DGKB: variants seen among roughly 807,000 people sequenced by gnomAD.
DGKB encodes the protein 90 kDa diacylglycerol kinase.
DGKB carries 67 observed loss-of-function variants against 114.3 expected under a neutral mutation model. That is an observed-to-expected ratio of 0.59 (90% CI 0.48 to 0.72). The LOEUF (loss-of-function observed/expected upper bound fraction) is 0.72, where lower values mean the gene tolerates loss of function less well. Among genes scored for constraint, DGKB ranks in the 30% least tolerant of loss-of-function variants. The pLI is 0.00. For synonymous variants in DGKB, 398 were observed against 323.1 expected, an observed-to-expected ratio of 1.23 and a Z score of -2.49; for missense variants, 907 against 975.2, an observed-to-expected ratio of 0.93 and a Z score of 0.93.
At chr7:14,303,502 T>C (rs1585026558) in intron 23 of DGKB, among the ~76,000 whole-genome samples, 1 of 152,126 alleles carries the variant, frequency 6.6e-6, no homozygotes. Context: ...ATAACTTACC[T>C]GCCATATTTA....
chr7:14,342,714 A>C (rs1344683217), intron 22 of DGKB, among the ~76,000 whole-genome samples: 1 of 151,894 alleles, frequency 6.6e-6, no homozygotes, highest in Non-Finnish European at 1.5e-5. Flanking sequence ...ATAAAGACTA[A>C]ATCAAATAAT....
chr7:14,494,594 T>G (rs1335839796), intron 20 of DGKB, among the ~76,000 whole-genome samples: 1 of 151,938 alleles, frequency 6.6e-6, no homozygotes, highest in African/African-American at 2.4e-5. Flanking sequence ...ATAACCACCT[T>G]AAATTAGTCT....
chr7:14,940,546 G>T (rs1785519167), intron 1 of DGKB, among the ~76,000 whole-genome samples: 1 of 151,972 alleles, frequency 6.6e-6, no homozygotes, highest in Non-Finnish European at 1.5e-5. Flanking sequence ...ACCATATCCA[G>T]CTTGAGGTCA....
At chr7:14,600,204 G>A (rs987872795) in intron 17 of DGKB, among the ~76,000 whole-genome samples, 44 of 152,228 alleles carry the variant, frequency 2.9e-4, no homozygotes, top group African/African-American at 1.1e-3. Flanking sequence ...GGGGAAAGGC[G>A]AGAGCTAGTT....
chr7:14,319,710 G>A (rs1807364215), intron 23 of DGKB, among the ~76,000 whole-genome samples: 1 of 152,156 alleles, frequency 6.6e-6, no homozygotes, highest in African/African-American at 2.4e-5. Flanking sequence ...TTGCCAGGGT[G>A]TGAAAGATAA....
At chr7:14,664,120 A>G (rs1817625978) in intron 13 of DGKB, among the ~76,000 whole-genome samples, 1 of 152,040 alleles carries the variant, frequency 6.6e-6, no homozygotes, top group African/African-American at 2.4e-5. Context: ...ATATCCAATA[A>G]GTCATTCTCA....
At chr7:14,462,189 C>G in intron 21 of DGKB, among the ~76,000 whole-genome samples, 1 of 152,284 alleles carries the variant, frequency 6.6e-6, no homozygotes, top group East Asian at 1.9e-4. Flanking sequence ...CCTTTGAAAA[C>G]TGGCACAAGA....
intron 20 of DGKB, among the ~76,000 whole-genome samples, chr7:14,516,111 G>T (rs1584507555): frequency 6.6e-6 from 1 of 152,130 alleles, no homozygotes; most frequent in African/African-American, 2.4e-5. Flanking sequence ...GCCTCCCAAA[G>T]TGCTAGGATT....
intron 23 of DGKB, among the ~76,000 whole-genome samples, chr7:14,183,173 T>C (rs866022456): frequency 6.6e-6 from 1 of 152,204 alleles, no homozygotes; most frequent in Admixed American, 6.5e-5. Context: ...AGCAACATTA[T>C]GAAACATGTC....
rs538648771 is a variant in DGKB at position 14,313,619 on chromosome 7, T to G, written c.2122+24896A>C. On this transcript the variant is annotated intron_variant, in intron 23 of 25. Transcript: ENST00000402815. Reference sequence around the variant, plus strand: ...CCACGAGATTATATCCGCACCTGGCTCGGAGGGTCCTACGCCCACGGAGTC... The same window carrying G: ...CCACGAGATTATATCCGCACCTGGCGCGGAGGGTCCTACGCCCACGGAGTC... Among the ~76,000 whole-genome samples, 263 of 152,268 alleles carry G rather than the reference T, an allele frequency of 1.7e-3. 1 individual carries two copies. Among genetic ancestry groups the G allele is most frequent in the African/African-American group, 6.0e-3 (250 of 41,570 alleles).
chr7:14,354,677 T>C (rs888219917), intron 21 of DGKB, among the ~76,000 whole-genome samples: 11 of 152,182 alleles, frequency 7.2e-5, no homozygotes, highest in Non-Finnish European at 1.6e-4. Context: ...GACCAGGCCT[T>C]CCAAAGGTTC....
At chr7:14,624,806 T>C (rs1808276143) in intron 14 of DGKB, among the ~76,000 whole-genome samples, 1 of 152,026 alleles carries the variant, frequency 6.6e-6, no homozygotes, top group African/African-American at 2.4e-5. Flanking sequence ...AAGACCAGCT[T>C]GGGCAACATG....
chr7:14,448,220 G>C (rs1353420026), intron 21 of DGKB, among the ~76,000 whole-genome samples: 1 of 152,018 alleles, frequency 6.6e-6, no homozygotes, highest in African/African-American at 2.4e-5. Context: ...ATGAGTACTG[G>C]GAACATTTGG....
intron 1 of DGKB, among the ~76,000 whole-genome samples, chr7:14,961,669 T>C (rs1786851275): frequency 6.6e-6 from 1 of 152,128 alleles, no homozygotes; most frequent in Non-Finnish European, 1.5e-5. Context: ...TGTCGGGCCA[T>C]TTTTGCTTCA....
chr7:14,293,357 C>A (rs1802058027), intron 23 of DGKB, among the ~76,000 whole-genome samples: 1 of 152,136 alleles, frequency 6.6e-6, no homozygotes, highest in Non-Finnish European at 1.5e-5. Context: ...TAAACAAATG[C>A]AACTAAGATC....
At chr7:14,416,553 G>A (rs1583775872) in intron 21 of DGKB, among the ~76,000 whole-genome samples, 3 of 152,138 alleles carry the variant, frequency 2.0e-5, no homozygotes, top group Middle Eastern at 6.8e-3. Flanking sequence ...GAGGGACCCA[G>A]TGGGAGGTAA....
chr7:14,844,258 T>A (rs569429257), intron 1 of DGKB, among the ~76,000 whole-genome samples: 1 of 152,316 alleles, frequency 6.6e-6, no homozygotes, highest in Admixed American at 6.5e-5. Context: ...AATGGTGACA[T>A]GTTGGCTGCA....
intron 6 of DGKB, among the ~76,000 whole-genome samples, chr7:14,713,793 T>C (rs1465180339): frequency 1.3e-5 from 2 of 152,014 alleles, no homozygotes; most frequent in Non-Finnish European, 2.9e-5. Flanking sequence ...AGTTATCTAC[T>C]TTCTGAATAT....
chr7:14,199,468 A>G (rs536952560), intron 23 of DGKB, among the ~76,000 whole-genome samples: 6 of 152,060 alleles, frequency 3.9e-5, no homozygotes, highest in Non-Finnish European at 7.4e-5. Flanking sequence ...CATTTCCACC[A>G]TGAAATCAAA....
Sources: gnomAD v4.1 joint callset for allele counts (sites outside exome capture counted in the v4.1 genomes callset) on GRCh38, gnomAD v4.1.1 for gene constraint, MANE v1.5 for transcripts, NCBI Gene and HGNC (gene_info 2026-07-23, HGNC 2026-07-21) for gene names.